TANC2: variants seen among roughly 807,000 people sequenced by gnomAD.
The protein encoded by TANC2 is protein TANC2.
In TANC2, 26 loss-of-function variants were observed where a neutral mutation model predicts 210.5. The ratio of observed to expected loss-of-function variants is 0.12; its 90% CI spans 0.09 to 0.17. The LOEUF (loss-of-function observed/expected upper bound fraction) is 0.17. Ranked by LOEUF, TANC2 falls within the 10% of genes least tolerant of loss-of-function variation. TANC2 has a pLI of 1.00. For synonymous variants in TANC2, 931 were observed against 967.1 expected (o/e 0.96, Z 0.69); for missense variants, 2,129 against 2,608.9 (o/e 0.82, Z 4.01).
intron 5 of TANC2, among the ~76,000 whole-genome samples, chr17:63,165,223 A>G (rs2040171706): frequency 6.6e-6 from 1 of 152,076 alleles, no homozygotes; most frequent in African/African-American, 2.4e-5. Flanking sequence ...GCAGTGAGCT[A>G]TGGTAGCACC....
chr17:63,084,209 G>T (rs1181179150), intron 3 of TANC2, among the ~76,000 whole-genome samples: 2 of 152,014 alleles, frequency 1.3e-5, no homozygotes, highest in Non-Finnish European at 2.9e-5. Context: ...TAAGAATTTT[G>T]CCAGATTGTG....
intron 2 of TANC2, among the ~76,000 whole-genome samples, chr17:63,011,132 A>G (rs540309958): frequency 1.2e-3 from 187 of 152,266 alleles, no homozygotes; most frequent in Non-Finnish European, 1.6e-3. Flanking sequence ...TCGTTAGCAT[A>G]TAGAAAACCA....
intron 2 of TANC2, among the ~76,000 whole-genome samples, chr17:63,023,512 G>A (rs551532262): frequency 3.3e-5 from 5 of 152,260 alleles, no homozygotes; most frequent in East Asian, 1.9e-4. Context: ...GTCCCTGGCC[G>A]AAAGATTATT....
chr17:63,340,123 A>T (rs1046466957), exon 12 of TANC2: 1 of 1,613,756 alleles, frequency 6.2e-7, no homozygotes, highest in Admixed American at 1.7e-5. Flanking sequence ...CACTATTGTC[A>T]AGCAGATAAT....
chr17:63,184,764 A>C (rs981843012), intron 5 of TANC2, among the ~76,000 whole-genome samples: 1 of 149,366 alleles, frequency 6.7e-6, no homozygotes, highest in Admixed American at 6.7e-5. Context: ...AGCTATTCTC[A>C]TGTTTCAGCC....
chr17:63,170,035 C>T (rs1040628610), intron 5 of TANC2, among the ~76,000 whole-genome samples: 13 of 151,508 alleles, frequency 8.6e-5, no homozygotes, highest in East Asian at 1.9e-4. Flanking sequence ...AGGAGAATGG[C>T]GTGAACCCAG....
At chr17:63,056,631 A>G (rs986582388) in intron 2 of TANC2, among the ~76,000 whole-genome samples, 2 of 152,142 alleles carry the variant, frequency 1.3e-5, no homozygotes, top group Non-Finnish European at 2.9e-5. Flanking sequence ...GTGAGTTGAG[A>G]TCATGCCACT....
chr17:63,188,418 C>G (rs1331199287), intron 5 of TANC2, among the ~76,000 whole-genome samples: 1 of 151,786 alleles, frequency 6.6e-6, no homozygotes, highest in African/African-American at 2.4e-5. Context: ...ATGGTGAAAC[C>G]CCATCTCTAC....
chr17:63,326,604 C>T (rs1242152010), intron 11 of TANC2, among the ~76,000 whole-genome samples: 3 of 151,960 alleles, frequency 2.0e-5, no homozygotes, highest in Admixed American at 6.6e-5. Context: ...ATGACAAGTG[C>T]TTATAGTCCC....
Position 63,396,316 on chromosome 17 carries a change from G to A in TANC2, c.3237+388G>A, listed in dbSNP as rs755412497. On this transcript the variant is annotated intron_variant, in intron 18 of 27. Coordinates refer to ENST00000689528, the Ensembl canonical transcript of TANC2. ...AGGACCAGATTTGAGTCCCAGCCTC[G>A]CTATTCATTAACTCTAGCCCTTGAA... 5.3e-5 allele frequency: 10 copies of A among 190,364 alleles called. No homozygotes were observed. In the South Asian group the frequency reaches 5.3e-4, roughly 10 times the overall value. 11.8% of individuals were successfully genotyped at this position (190,364 alleles called of 1,614,324 possible).
chr17:63,115,172 A>G (rs1466330458), intron 4 of TANC2, among the ~76,000 whole-genome samples: 1 of 152,196 alleles, frequency 6.6e-6, no homozygotes, highest in Non-Finnish European at 1.5e-5. Context: ...CTACTGGCAC[A>G]AGACAATATT....
intron 9 of TANC2, among the ~76,000 whole-genome samples, chr17:63,298,271 T>C (rs561694675): frequency 6.6e-6 from 1 of 152,288 alleles, no homozygotes; most frequent in Admixed American, 6.5e-5. Context: ...GCACCACTAT[T>C]TGTAGTAGCC....
intron 1 of TANC2, among the ~76,000 whole-genome samples, chr17:63,007,456 GGATATAATTT>G (rs2033671655): frequency 6.6e-6 from 1 of 151,950 alleles, no homozygotes; most frequent in African/African-American, 2.4e-5. Flanking sequence ...ACATAGTAAT[GGATATAATTT>G]GAGTTTAAAT....
At chr17:62,980,438 A>G (rs1280228545) in intron 1 of TANC2, among the ~76,000 whole-genome samples, 1 of 152,210 alleles carries the variant, frequency 6.6e-6, no homozygotes, top group Non-Finnish European at 1.5e-5. Flanking sequence ...GGAAATGTTC[A>G]TTGGAAGATT....
chr17:63,187,551 TTA>T (rs983241269), intron 5 of TANC2, among the ~76,000 whole-genome samples: 4 of 151,086 alleles, frequency 2.6e-5, no homozygotes, highest in Non-Finnish European at 4.4e-5. Context: ...ATTATGTTTT[TTA>T]TATATATATA....
intron 1 of TANC2, among the ~76,000 whole-genome samples, chr17:62,987,661 G>A (rs1399772670): frequency 6.6e-6 from 1 of 152,164 alleles, no homozygotes; most frequent in African/African-American, 2.4e-5. Context: ...CAGAGGCTGG[G>A]TACCTCCATG....
chr17:63,064,474 T>C (rs2036122858), intron 2 of TANC2, among the ~76,000 whole-genome samples: 1 of 151,936 alleles, frequency 6.6e-6, no homozygotes, highest in Non-Finnish European at 1.5e-5. Flanking sequence ...CAAACAAACA[T>C]ACAAAAACAA....
intron 9 of TANC2, among the ~76,000 whole-genome samples, chr17:63,304,228 G>A (rs954659604): frequency 6.6e-6 from 1 of 152,104 alleles, no homozygotes; most frequent in Admixed American, 6.6e-5. Flanking sequence ...AGTCTGTCTA[G>A]TATTGATCTT....
chr17:63,076,160 A>C (rs979047193), intron 3 of TANC2, among the ~76,000 whole-genome samples: 6 of 152,144 alleles, frequency 3.9e-5, no homozygotes, highest in South Asian at 4.1e-4. Context: ...TTCCTCCCCA[A>C]AACCACCTAA....
Sources: allele counts gnomAD v4.1 joint callset (sites outside exome capture counted in the v4.1 genomes callset), GRCh38; gene constraint gnomAD v4.1.1; transcripts MANE v1.5; gene names NCBI Gene and HGNC (gene_info 2026-07-23, HGNC 2026-07-21).